The following DHX57 variants were observed in gnomAD, a reference collection of about 807,000 sequenced individuals.
DHX57 encodes the protein DExH-box helicase 57, also known as putative ATP-dependent RNA helicase DHX57.
DHX57 carries 105 observed loss-of-function variants against 156.2 expected under a neutral mutation model. That is an observed-to-expected ratio of 0.67 (90% CI 0.57 to 0.79). DHX57 has a LOEUF of 0.79. Ranked by LOEUF, DHX57 falls within the 30% of genes least tolerant of loss-of-function variation. DHX57 has a pLI of 0.00. For synonymous variants in DHX57, 704 were observed against 595.6 expected (o/e 1.18, Z -2.65); for missense variants, 1,847 against 1,661.9 (o/e 1.11, Z -1.94).
chr2:38,863,626 T>C, intron 2 of DHX57, 107 bp from the exon 3 acceptor site: 1 of 1,031,666 alleles, frequency 9.7e-7, no homozygotes. Context: ...TTGTCAAGTA[T>C]CTTACAAAAG....
At chr2:38,840,503 C>T (rs981841874) in intron 12 of DHX57, among the ~76,000 whole-genome samples, 1 of 151,824 alleles carries the variant, frequency 6.6e-6, no homozygotes, top group Non-Finnish European at 1.5e-5. Context: ...TCCTCAACCT[C>T]CCAAATAGTT....
rs1365368416 is a variant in DHX57 at position 38,837,888 on chromosome 2, C to A, written c.2485G>T (p.Glu829Ter). 6.2e-7 allele frequency: 1 copy of A among 1,613,828 alleles called. No homozygotes were observed. Among genetic ancestry groups the A allele is most frequent in the African/African-American group, 1.3e-5 (1 of 74,908 alleles). Reference protein sequence around the residue: ...SIMDFEKVNLELIEALLEWIV... With the variant: ...SIMDFEKVNL The stretch of plus-strand genomic sequence containing the variant: ...CACTCTAATAAGGCCTCTATTAATT[C>A]AAGATTCACCTTTTCAAAATCCATG... The change falls in exon 13 of 24, where the codon GAA becomes TAA. Residue 829 changes from glutamate to a stop codon, truncating the protein, a stop_gained. Coordinates refer to ENST00000457308, the MANE Select transcript of DHX57 (RefSeq NM_198963.3). LOFTEE classifies it high-confidence loss of function.
At chr2:38,870,121 A>G (rs1665283269) in intron 1 of DHX57, among the ~76,000 whole-genome samples, 1 of 152,178 alleles carries the variant, frequency 6.6e-6, no homozygotes, top group Non-Finnish European at 1.5e-5. Context: ...AAGAGAAAGA[A>G]CTGATGAACT....
At chr2:38,837,281 G>A (rs78076733) in intron 13 of DHX57, among the ~76,000 whole-genome samples, 6,895 of 152,074 alleles carry the variant, frequency 0.045, 211 homozygotes, top group Non-Finnish European at 0.069. Context: ...ATTTATTACT[G>A]TCTTCATTTT....
intron 23 of DHX57, among the ~76,000 whole-genome samples, chr2:38,800,786 C>T (rs1459752543): frequency 6.6e-6 from 1 of 152,108 alleles, no homozygotes; most frequent in Non-Finnish European, 1.5e-5. Flanking sequence ...TAAATCAAAC[C>T]AACGTTGCCT....
At position 38,815,613 on chromosome 2, in the gene DHX57, C is replaced by A; in HGVS notation, c.3514G>T (p.Asp1172Tyr). The change falls in exon 20 of 24, where the codon GAT (aspartate) becomes TAT (tyrosine). Residue 1172 changes from aspartate (D) to tyrosine (Y), a missense_variant. Transcript: ENST00000457308. ...AGCCCTTCCCTTGCAAACCCTATAT[C>A]CGATAACAGTTCCGTGAATTGTCGT... ...LKRQFTELLS[D>Y]IGFAREGLRA... 1 of 1,614,156 alleles carries A rather than the reference C, an allele frequency of 6.2e-7. No homozygotes were observed.
intron 13 of DHX57, among the ~76,000 whole-genome samples, chr2:38,831,936 T>C (rs1308523327): frequency 6.6e-6 from 1 of 151,252 alleles, no homozygotes; most frequent in Non-Finnish European, 1.5e-5. Flanking sequence ...ATAGGAGAAT[T>C]GCTTCAACCT....
chr2:38,847,584 AAC>A (rs1672358779), intron 10 of DHX57, among the ~76,000 whole-genome samples: 1 of 152,200 alleles, frequency 6.6e-6, no homozygotes, highest in Non-Finnish European at 1.5e-5. Flanking sequence ...GCCCAAAGAA[AAC>A]ACAGACTGTC....
At chr2:38,815,459 A>T in intron 20 of DHX57, 62 bp downstream of exon 20, 1 of 1,600,014 alleles carries the variant, frequency 6.2e-7, no homozygotes, top group Non-Finnish European at 8.5e-7. Context: ...AAGTGTTCCC[A>T]GGTTAAGATT....
chr2:38,802,507 C>A (rs145050837), intron 23 of DHX57, among the ~76,000 whole-genome samples: 15 of 152,024 alleles, frequency 9.9e-5, no homozygotes, highest in Admixed American at 2.6e-4. Flanking sequence ...AGGCTGGTCT[C>A]GAACTCCTGG....
At chr2:38,854,868 G>A (rs1672801609) in intron 8 of DHX57, 189 bp downstream of exon 8, 3 of 575,394 alleles carry the variant, frequency 5.2e-6, no homozygotes, top group African/African-American at 3.8e-5. Flanking sequence ...GGCCATAAGA[G>A]TTCTTATACC....
At chr2:38,806,416 T>A (rs1669937695) in intron 22 of DHX57, 143 bp downstream of exon 22, 2 of 882,294 alleles carry the variant, frequency 2.3e-6, no homozygotes, top group Non-Finnish European at 3.3e-6. Flanking sequence ...ATTTCCAGTC[T>A]GTTTATTCTT....
chr2:38,875,231 A>G (rs1665552388), intron 1 of DHX57, among the ~76,000 whole-genome samples: 1 of 152,068 alleles, frequency 6.6e-6, no homozygotes, highest in South Asian at 2.1e-4. Context: ...GCCCGGGAAG[A>G]CTCCAACTAT....
intron 13 of DHX57, among the ~76,000 whole-genome samples, chr2:38,837,046 A>G (rs1249099554): frequency 1.3e-5 from 2 of 151,958 alleles, no homozygotes; most frequent in East Asian, 2.0e-4. Flanking sequence ...ATGGGGTTTC[A>G]CTATGTTTTC....
In DHX57 at chr2:38,806,726, T is replaced by C. The variant is rs746784461; in HGVS notation, c.3682-33A>G. On this transcript the variant is annotated intron_variant, in intron 21 of 23. Transcript: ENST00000457308. ...ACAAGTATTTGTAAAAATAGACATATAATATATATATTCTCATAGAAAGTA... is the reference window on the plus strand; with the variant it reads ...ACAAGTATTTGTAAAAATAGACATACAATATATATATTCTCATAGAAAGTA... The C allele has an allele frequency of 8.2e-6, 13 of 1,588,974 alleles. No individual in the cohort carries two copies. The Admixed American group carries it at 1.4e-4, about 17-fold the overall frequency.
At chr2:38,853,964 A>C in intron 9 of DHX57, 90 bp downstream of exon 9, 1 of 1,306,838 alleles carries the variant, frequency 7.7e-7, no homozygotes, top group Non-Finnish European at 1.0e-6. Flanking sequence ...TACTAGCTGC[A>C]TGAAACTGAA....
chr2:38,827,998 AG>A (rs1428200723), intron 14 of DHX57, among the ~76,000 whole-genome samples: 1 of 152,054 alleles, frequency 6.6e-6, no homozygotes, highest in Non-Finnish European at 1.5e-5. Flanking sequence ...CTGGGTTTAT[AG>A]GTGCCGGCCA....
chr2:38,815,228 T>C (rs1405100562), intron 20 of DHX57, among the ~76,000 whole-genome samples: 10 of 151,988 alleles, frequency 6.6e-5, no homozygotes, highest in African/African-American at 2.4e-4. Context: ...CCACCATGCC[T>C]GGCTAATTTT....
Position 38,855,214 on chromosome 2 carries a change from T to A in DHX57, c.1748A>T (p.Asp583Val), listed in dbSNP as rs761190327. The change falls in exon 8 of 24, where the codon GAT becomes GTT. Residue 583 changes from aspartate (D) to valine (V), a missense_variant. Transcript: ENST00000457308. Reference sequence around the variant, plus strand: ...CTCAGGTGGTCCATTCAGAGAATCATCCAGAATAAACTGCGGAATTTGTGT... The same window carrying A: ...CTCAGGTGGTCCATTCAGAGAATCAACCAGAATAAACTGCGGAATTTGTGT... ...KTTQIPQFILDDSLNGPPEKV... is the reference protein window; with the variant it reads ...KTTQIPQFILVDSLNGPPEKV... 1 of 1,614,156 alleles carries A rather than the reference T, an allele frequency of 6.2e-7. No individual in the cohort carries two copies. The highest frequency in any genetic ancestry group is 8.5e-7 in the Non-Finnish European group (1 of 1,180,022).
Sources: allele counts gnomAD v4.1 joint callset (sites outside exome capture counted in the v4.1 genomes callset), GRCh38; gene constraint gnomAD v4.1.1; transcripts MANE v1.5; gene names NCBI Gene and HGNC (gene_info 2026-07-23, HGNC 2026-07-21).